The following GPNMB variants were observed in gnomAD, a reference collection of about 807,000 sequenced individuals.
The protein encoded by GPNMB is transmembrane glycoprotein NMB.
In GPNMB, 71 loss-of-function variants were observed where a neutral mutation model predicts 57.3. The ratio of observed to expected loss-of-function variants is 1.24; its 90% CI spans 1.02 to 1.51. GPNMB has a LOEUF of 1.51. GPNMB is among the 40% of genes most tolerant of loss of function. GPNMB has a pLI of 0.00. For missense variants in GPNMB, 677 were observed against 691.9 expected, an observed-to-expected ratio of 0.98 and a Z score of 0.24; for synonymous variants, 253 against 263.2, an observed-to-expected ratio of 0.96 and a Z score of 0.38.
At chr7:23,257,137 T>C (rs1284080297) in intron 4 of GPNMB, 72 bp downstream of exon 4, 3 of 1,284,962 alleles carry the variant, frequency 2.3e-6, no homozygotes, top group Non-Finnish European at 2.3e-6. Context: ...TTTCTTACTC[T>C]ATAATTGAGA....
chr7:23,264,738 A>AT (rs1329940525), intron 6 of GPNMB, among the ~76,000 whole-genome samples: 2 of 152,188 alleles, frequency 1.3e-5, no homozygotes, highest in African/African-American at 2.4e-5. Context: ...TTATTTGGTC[A>AT]TTTTTTAAGA....
chr7:23,266,273 T>A (rs1656239914), intron 6 of GPNMB: 1 of 500,082 alleles, frequency 2.0e-6, no homozygotes, highest in Non-Finnish European at 3.6e-6. Context: ...ATTTGCTTCT[T>A]GTGTTCACAC....
At chr7:23,273,371 T>C (rs1583842587) in intron 9 of GPNMB, 150 bp from the exon 10 acceptor site, 2 of 608,126 alleles carry the variant, frequency 3.3e-6, no homozygotes, top group East Asian at 2.8e-5. Context: ...CCAAAGACTA[T>C]GTATTATTTA....
intron 9 of GPNMB, among the ~76,000 whole-genome samples, chr7:23,270,521 T>C (rs1783178592): frequency 6.6e-6 from 1 of 152,152 alleles, no homozygotes; most frequent in South Asian, 2.1e-4. Context: ...AAAATAGCAG[T>C]GTTCTCCAAT....
At chr7:23,268,183 G>A (rs1231919294) in intron 8 of GPNMB, among the ~76,000 whole-genome samples, 195 bp downstream of exon 8, 1 of 152,214 alleles carries the variant, frequency 6.6e-6, no homozygotes. Flanking sequence ...TGCTACAGTT[G>A]AGCAATTGAG....
chr7:23,251,465 G>A (rs1435280754), intron 1 of GPNMB, among the ~76,000 whole-genome samples: 1 of 152,234 alleles, frequency 6.6e-6, no homozygotes, highest in Non-Finnish European at 1.5e-5. Context: ...GCTTTGGGCT[G>A]TAACAAAATA....
rs144393214 is a variant in GPNMB, at chr7:23,264,764, C to T, written c.1019-1753C>T. ...TTTTTTAAGAAAATAAGCTTTATTTCATTTTTAGCACTAAAGTATATGCAG... is the reference window on the plus strand; with the variant it reads ...TTTTTTAAGAAAATAAGCTTTATTTTATTTTTAGCACTAAAGTATATGCAG... On this transcript the variant is annotated intron_variant, in intron 6 of 10. Coordinates refer to ENST00000258733, the MANE Select transcript of GPNMB (RefSeq NM_002510.3). 3.9e-3 allele frequency among the ~76,000 whole-genome samples: 591 copies of T among 152,246 alleles called. 10 individuals are homozygous for T. The highest frequency in any genetic ancestry group is 0.014 in the African/African-American group (570 of 41,564).
rs1193326530 is a variant in GPNMB at position 23,246,872 on chromosome 7, C to A, written c.15C>A (p.Tyr5Ter). 3 of 1,613,622 alleles carry A rather than the reference C, an allele frequency of 1.9e-6. No individual in the cohort carries two copies. The highest frequency in any genetic ancestry group is 2.7e-5 in the African/African-American group (2 of 74,884). ...GAGAATTCAGCATGGAATGTCTCTA[C>A]TATTTCCTGGGATTTCTGCTCCTGG... is the stretch of plus-strand genomic sequence containing the variant. MECL[Y>*]YFLGFLLLAA... The change falls in exon 1 of 11, where the codon TAC (tyrosine) becomes TAA (stop). Residue 5 changes from tyrosine to a stop codon, truncating the protein, a stop_gained. Transcript: ENST00000258733. LOFTEE classifies it high-confidence loss of function.
intron 6 of GPNMB, among the ~76,000 whole-genome samples, chr7:23,263,189 T>C (rs1426674250): frequency 1.3e-5 from 2 of 152,220 alleles, no homozygotes; most frequent in African/African-American, 4.8e-5. Context: ...TTGAATTGCA[T>C]TTTTATTAAA....
intron 6 of GPNMB, 105 bp downstream of exon 6, chr7:23,260,878 C>A: frequency 1.2e-6 from 1 of 835,906 alleles, no homozygotes; most frequent in Non-Finnish European, 1.7e-6. Flanking sequence ...TGTAAGGACT[C>A]TGCGGTGATT....
intron 1 of GPNMB, among the ~76,000 whole-genome samples, chr7:23,251,069 A>G (rs1297084636): frequency 2.6e-5 from 4 of 152,210 alleles, no homozygotes; most frequent in African/African-American, 9.6e-5. Context: ...GGCTTTTGTC[A>G]GATGTGAAGG....
Position 23,267,936 on chromosome 7 carries a change from G to A in GPNMB, c.1168G>A (p.Val390Met), listed in dbSNP as rs991401626. 3.1e-6 allele frequency: 5 copies of A among 1,613,676 alleles called. No homozygotes were observed. Among genetic ancestry groups the A allele is most frequent in the Non-Finnish European group, 4.2e-6 (5 of 1,179,752 alleles). Reference protein sequence around the residue: ...IIQMTDVLMPVPWPESSLIDF... With the variant: ...IIQMTDVLMPMPWPESSLIDF... ...CCAGATGACAGACGTCCTGATGCCG[G>A]TGCCATGGCCTGAAAGCTCCCTAAT... Residue 390 changes from valine to methionine, a missense_variant, in exon 8 of 11, where the codon GTG (valine) becomes ATG (methionine). By Grantham distance (21) the Val-to-Met change is conservative. Transcript: ENST00000258733.
intron 1 of GPNMB, among the ~76,000 whole-genome samples, chr7:23,250,144 T>C (rs1782628213): frequency 6.6e-6 from 1 of 152,252 alleles, no homozygotes; most frequent in Non-Finnish European, 1.5e-5. Context: ...ATAGTGAGTT[T>C]TGAAAATTCT....
Position 23,266,618 on chromosome 7 carries a change from A to G in GPNMB, c.1117+3A>G, listed in dbSNP as rs1188635564. The G allele has an allele frequency of 3.1e-6, 5 of 1,613,052 alleles. No homozygotes were observed. Among genetic ancestry groups the G allele is most frequent in the Non-Finnish European group, 3.4e-6 (4 of 1,179,430 alleles). ...TCAAGCCACCATCACAATTGTAGGT[A>G]AGGCTGAAGATGATGACCAGTGAGG... On this transcript the variant is annotated splice_donor_region_variant and intron_variant, in intron 7 of 10. Coordinates refer to ENST00000258733, the MANE Select transcript of GPNMB (RefSeq NM_002510.3).
chr7:23,249,072 C>T (rs572638432), intron 1 of GPNMB, among the ~76,000 whole-genome samples: 4 of 152,226 alleles, frequency 2.6e-5, no homozygotes, highest in East Asian at 1.9e-4. Context: ...CCACCTTATC[C>T]GGATGGGTTT....
At chr7:23,250,420 C>A (rs778349147) in intron 1 of GPNMB, among the ~76,000 whole-genome samples, 1 of 152,172 alleles carries the variant, frequency 6.6e-6, no homozygotes, top group Non-Finnish European at 1.5e-5. Flanking sequence ...CCTCCATTGG[C>A]TTGTTTTTGC....
At chr7:23,266,766 C>T (rs995835473) in intron 7 of GPNMB, 151 bp downstream of exon 7, 18 of 642,580 alleles carry the variant, frequency 2.8e-5, no homozygotes, top group Admixed American at 6.5e-5. Context: ...GAGCAAAGAC[C>T]CCATTCATTT....
chr7:23,256,838 A>G, intron 3 of GPNMB, 54 bp from the exon 4 acceptor site: 1 of 1,479,550 alleles, frequency 6.8e-7, no homozygotes, highest in Non-Finnish European at 9.4e-7. Context: ...ATGCATGCAC[A>G]TTGGGTTTTC....
At chr7:23,269,009 G>C (rs1583836414) in intron 8 of GPNMB, among the ~76,000 whole-genome samples, 2 of 152,162 alleles carry the variant, frequency 1.3e-5, no homozygotes, top group South Asian at 2.1e-4. Flanking sequence ...CTCCACCCCT[G>C]GCTGCTTGTA....
Sources: gnomAD v4.1 joint callset for allele counts (sites outside exome capture counted in the v4.1 genomes callset) on GRCh38, gnomAD v4.1.1 for gene constraint, MANE v1.5 for transcripts, NCBI Gene and HGNC (gene_info 2026-07-23, HGNC 2026-07-21) for gene names.